CLVS1: variants seen among roughly 807,000 people sequenced by gnomAD.
The protein encoded by CLVS1 is clavesin-1.
In CLVS1, 10 loss-of-function variants were observed where a neutral mutation model predicts 33.1. The ratio of observed to expected loss-of-function variants is 0.30; its 90% CI spans 0.19 to 0.51. The LOEUF is 0.51. CLVS1 is among the 20% of genes least tolerant of loss of function. CLVS1 has a pLI of 0.97. For missense variants in CLVS1, 343 were observed against 433.4 expected, an observed-to-expected ratio of 0.79 and a Z score of 1.85; for synonymous variants, 163 against 166.1, an observed-to-expected ratio of 0.98 and a Z score of 0.14.
upstream of CLVS1, among the ~76,000 whole-genome samples, chr8:61,054,641 T>C (rs1421459979): frequency 2.0e-5 from 3 of 151,734 alleles, no homozygotes; most frequent in African/African-American, 7.3e-5. Context: ...GCTTTAGAAA[T>C]CCAGTCTGCC....
chr8:61,112,101 G>A (rs4738866), intron 1 of CLVS1, among the ~76,000 whole-genome samples: 29,888 of 150,828 alleles, frequency 0.2, 3,165 homozygotes, highest in Admixed American at 0.32. Flanking sequence ...ACTGTTGCAG[G>A]GAAGCAAAAG....
intron 2 of CLVS1, among the ~76,000 whole-genome samples, chr8:61,276,408 A>G (rs1332578597): frequency 6.6e-6 from 1 of 152,222 alleles, no homozygotes; most frequent in Non-Finnish European, 1.5e-5. Flanking sequence ...CGGAAGGTGT[A>G]TATGAGTTAG....
chr8:61,461,323 C>T (rs570015683), intron 5 of CLVS1, among the ~76,000 whole-genome samples: 34 of 152,274 alleles, frequency 2.2e-4, no homozygotes, highest in African/African-American at 7.7e-4. Flanking sequence ...AATGTTTTTA[C>T]TCAACCTTCA....
chr8:61,275,183 A>T lies in CLVS1; in HGVS notation c.-151-24494A>T, dbSNP rs187802965. On this transcript the variant is annotated intron_variant, in intron 2 of 2. Transcript: ENST00000522621. ...TGGCCTACAGATTGCTTTTATTTTT[A>T]TTTTTTTAGTTTTTATTTTGAATTT... Among the ~76,000 whole-genome samples the T allele has an allele frequency of 4.7e-4, 72 of 152,214 alleles. No homozygotes were observed. In the East Asian group the frequency reaches 9.4e-3, roughly 20 times the overall value.
chr8:61,112,428 T>G (rs1176809097), intron 1 of CLVS1, among the ~76,000 whole-genome samples: 1 of 152,218 alleles, frequency 6.6e-6, no homozygotes, highest in Non-Finnish European at 1.5e-5. Flanking sequence ...TTTCAGCATT[T>G]CTAAGATTTT....
chr8:61,373,154 G>A lies in CLVS1; in HGVS notation c.456-3451G>A, dbSNP rs112240443. On this transcript the variant is annotated intron_variant, in intron 2 of 5. Transcript: ENST00000325897. ...GAAGTCAAAGGGTGTTATAAAAAGC[G>A]AAGAGGAAAACAACGAGGAAATTCA... Among the ~76,000 whole-genome samples the A allele has an allele frequency of 5.7e-3, 874 of 152,248 alleles. 6 individuals are homozygous for A. Among genetic ancestry groups the A allele is most frequent in the Middle Eastern group, 0.02 (6 of 294 alleles).
intron 2 of CLVS1, among the ~76,000 whole-genome samples, chr8:61,139,069 A>T (rs549130815): frequency 6.6e-6 from 1 of 152,374 alleles, no homozygotes; most frequent in East Asian, 1.9e-4. Flanking sequence ...TTGCCTCTCC[A>T]GGATGCCCTC....
intron 1 of CLVS1, among the ~76,000 whole-genome samples, chr8:61,123,999 C>A (rs1047006084): frequency 1.3e-5 from 2 of 152,028 alleles, no homozygotes; most frequent in African/African-American, 4.8e-5. Context: ...ATGTTTTGTT[C>A]TTGCACAACA....
At chr8:61,135,994 C>T (rs73685740) in intron 2 of CLVS1, among the ~76,000 whole-genome samples, 7,224 of 152,310 alleles carry the variant, frequency 0.047, 542 homozygotes, top group African/African-American at 0.16. Flanking sequence ...ATGGACCTGG[C>T]ACAAGCCACA....
At chr8:61,480,378 G>C (rs909576730) in intron 5 of CLVS1, among the ~76,000 whole-genome samples, 1 of 152,200 alleles carries the variant, frequency 6.6e-6, no homozygotes, top group African/African-American at 2.4e-5. Context: ...AGGATGCTCC[G>C]AGCCAGGTGC....
intron 5 of CLVS1, among the ~76,000 whole-genome samples, chr8:61,469,691 A>T (rs1318790260): frequency 2.0e-5 from 3 of 152,176 alleles, no homozygotes; most frequent in African/African-American, 4.8e-5. Context: ...TCTATATGAA[A>T]AGAATAAGGG....
At chr8:61,083,109 G>A (rs1278529568) in intron 1 of CLVS1, among the ~76,000 whole-genome samples, 1 of 152,112 alleles carries the variant, frequency 6.6e-6, no homozygotes, top group Non-Finnish European at 1.5e-5. Context: ...GAAGGAAAAT[G>A]TTGTAAGTAG....
chr8:61,486,582 A>G (rs1242612525), intron 5 of CLVS1, among the ~76,000 whole-genome samples: 1 of 152,226 alleles, frequency 6.6e-6, no homozygotes, highest in Non-Finnish European at 1.5e-5. Context: ...CAGTTGAATA[A>G]TGAAGTGTAG....
At chr8:60,975,914 C>A in the CLVS1 span, among the ~76,000 whole-genome samples, 1 of 152,308 alleles carries the variant, frequency 6.6e-6, no homozygotes, top group East Asian at 1.9e-4. Flanking sequence ...GGAGATACCA[C>A]AAGCCACCAG....
chr8:61,435,439 C>T (rs994918671), intron 3 of CLVS1, among the ~76,000 whole-genome samples: 4 of 152,030 alleles, frequency 2.6e-5, no homozygotes, highest in Non-Finnish European at 5.9e-5. Context: ...AGTATGATTT[C>T]TTGAATATTT....
chr8:61,233,120 C>T (rs1242952535), intron 2 of CLVS1, among the ~76,000 whole-genome samples: 1 of 152,138 alleles, frequency 6.6e-6, no homozygotes, highest in African/African-American at 2.4e-5. Context: ...ACAGTTTGAA[C>T]CTTCAAAAGG....
chr8:61,215,675 A>G lies in CLVS1; in HGVS notation c.-152+83815A>G, dbSNP rs367755969. On this transcript the variant is annotated intron_variant, in intron 2 of 2. Coordinates refer to the CLVS1 transcript ENST00000522621. Reference sequence around the variant, plus strand: ...TTGAACTCGGAATTATGGCCCTGAAATTGAAAATGTGTGTGTGTGTGTGTG... The same window carrying G: ...TTGAACTCGGAATTATGGCCCTGAAGTTGAAAATGTGTGTGTGTGTGTGTG... 2.7e-3 allele frequency among the ~76,000 whole-genome samples: 387 copies of G among 142,368 alleles called. 1 individual carries two copies. Among genetic ancestry groups the G allele is most frequent in the Admixed American group, 4.8e-3 (69 of 14,282 alleles). 93.4% of individuals were successfully genotyped at this position (142,368 alleles called of 152,430 possible).
chr8:61,183,490 T>C (rs1807281068), intron 2 of CLVS1, among the ~76,000 whole-genome samples: 1 of 151,452 alleles, frequency 6.6e-6, no homozygotes, highest in African/African-American at 2.4e-5. Flanking sequence ...GTCAGACAGT[T>C]AATTTTTTTT....
chr8:61,292,262 A>G (rs1810021953), intron 1 of CLVS1: 1 of 443,818 alleles, frequency 2.3e-6, no homozygotes, highest in African/African-American at 2.0e-5. Flanking sequence ...TTATAAAAAT[A>G]GCCTCTTTCC....
Sources: allele counts gnomAD v4.1 joint callset (sites outside exome capture counted in the v4.1 genomes callset), GRCh38; gene constraint gnomAD v4.1.1; transcripts MANE v1.5; gene names NCBI Gene and HGNC (gene_info 2026-07-23, HGNC 2026-07-21).